Variants in RPL23A observed in about 807,000 individuals in gnomAD.
RPL23A encodes the protein ribosomal protein L23a, also known as large ribosomal subunit protein uL23.
RPL23A carries 2 observed loss-of-function variants against 17.6 expected under a neutral mutation model. The ratio of observed to expected loss-of-function variants is 0.11; its 90% CI spans 0.05 to 0.36. The LOEUF (loss-of-function observed/expected upper bound fraction) is 0.36, where lower values mean the gene tolerates loss of function less well. Among genes scored for constraint, RPL23A ranks in the 10% least tolerant of loss-of-function variants. The probability of loss-of-function intolerance (pLI) is 1.00; values close to 1 mark genes in which losing one functional copy is unlikely to be tolerated. For synonymous variants in RPL23A, 65 were observed against 74.3 expected, an observed-to-expected ratio of 0.87 and a Z score of 0.65; for missense variants, 132 against 194.4, an observed-to-expected ratio of 0.68 and a Z score of 1.91.
chr17:28,721,221 G>A (rs1469452979), intron 2 of RPL23A: 3 of 256,890 alleles, frequency 1.2e-5, no homozygotes, highest in Non-Finnish European at 2.3e-5. Flanking sequence ...GCATGGTGGC[G>A]CATGTCTGTA....
chr17:28,722,906 T>C lies in RPL23A; in HGVS notation c.386+7T>C. 6.2e-7 allele frequency: 1 copy of C among 1,613,190 alleles called. No individual in the cohort carries two copies. The highest frequency in any genetic ancestry group is 8.5e-7 in the Non-Finnish European group (1 of 1,179,318). On this transcript the variant is annotated splice_region_variant and intron_variant, in intron 3 of 4. Coordinates refer to ENST00000422514, the MANE Select transcript of RPL23A (RefSeq NM_000984.6). ...AGGTCAACACCCTGATTCGGTGAGT[T>C]GGGCCTCAAGGGATGGGGAGCAGGC...
rs995117596 is a variant in RPL23A, at chr17:28,720,693, T to C, written c.26-14T>C. ...CTAAATCCCGCACCCACGTTTTCTT[T>C]CCTTTTCTCCCAGCTCCTGCCCCTC... is the stretch of plus-strand genomic sequence containing the variant. On this transcript the variant is annotated splice_polypyrimidine_tract_variant and intron_variant, in intron 1 of 4. Transcript: ENST00000422514. 8.7e-6 allele frequency: 14 copies of C among 1,613,944 alleles called. No homozygotes were observed. The highest frequency in any genetic ancestry group is 5.9e-6 in the Non-Finnish European group (7 of 1,179,958).
intron 1 of RPL23A, 195 bp downstream of exon 1, chr17:28,720,225 TGGG>T (rs35537717): frequency 1.7e-5 from 26 of 1,506,414 alleles, no homozygotes; most frequent in African/African-American, 2.8e-5. Flanking sequence ...TAGAGGGAGT[TGGG>T]GGGGGGCAAC....
chr17:28,720,416 T>G, intron 1 of RPL23A: 2 of 1,603,622 alleles, frequency 1.2e-6, no homozygotes, highest in Non-Finnish European at 1.7e-6. Context: ...CTCCGCAGCG[T>G]GGTTTTGCGA....
At position 28,723,703 on chromosome 17, in the gene RPL23A, A is replaced by G. The variant is rs752953763; in HGVS notation, c.456+63A>G. ...CTTGGGTGCAAATGATGCATATGTT[A>G]GCGACCAAAGCCTGATCTTTGCTGA... On this transcript the variant is annotated intron_variant, in intron 4 of 4. Transcript: ENST00000422514. 26 of 1,493,198 alleles carry G rather than the reference A, an allele frequency of 1.7e-5. 1 individual carries two copies. In the South Asian group the frequency reaches 2.6e-4, roughly 15 times the overall value. The allele number at this position is 1,493,198 out of a possible 1,614,324, so 92.5% of individuals were successfully genotyped here. A position where few individuals can be genotyped will look rare whatever the true frequency, so the allele number is the denominator to read the frequency against.
chr17:28,720,714 C>T lies in RPL23A; in HGVS notation c.33C>T (p.Ala11=), dbSNP rs1486002488. Residue 11 remains alanine (A), a synonymous_variant, in exon 2 of 5, where the codon GCC becomes GCT. Coordinates refer to ENST00000422514, the MANE Select transcript of RPL23A (RefSeq NM_000984.6). ...TCTTTCCTTTTCTCCCAGCTCCTGC[C>T]CCTCCTAAAGCTGAAGCCAAAGCGA... MAPKAKKEAP[A]PPKAEAKAKA... 3 of 1,614,060 alleles carry T rather than the reference C, an allele frequency of 1.9e-6. No individual in the cohort carries two copies. Among genetic ancestry groups the T allele is most frequent in the South Asian group, 1.1e-5 (1 of 91,086 alleles).
At chr17:28,720,294 G>GCATC in intron 1 of RPL23A, 1 of 1,549,962 alleles carries the variant, frequency 6.5e-7, no homozygotes, top group Non-Finnish European at 8.7e-7. Context: ...GAAGCTACAT[G>GCATC]CATCCACTGG....
chr17:28,723,718 A>T (rs1423891322), intron 4 of RPL23A, 78 bp downstream of exon 4: 1 of 1,427,546 alleles, frequency 7.0e-7, no homozygotes, highest in Non-Finnish European at 9.9e-7. Flanking sequence ...CCAAAGCCTG[A>T]TCTTTGCTGA....
chr17:28,723,500 C>G (rs200729777), intron 3 of RPL23A, 71 bp from the exon 4 acceptor site: 128 of 1,056,084 alleles, frequency 1.2e-4, no homozygotes, highest in Admixed American at 3.0e-4. Flanking sequence ...TGCCGGAGGA[C>G]TGGAGGAGGA....
chr17:28,723,213 G>A (rs1432721733), intron 3 of RPL23A: 13 of 532,768 alleles, frequency 2.4e-5, no homozygotes, highest in African/African-American at 3.8e-5. Flanking sequence ...TGAGCCTTGA[G>A]GCAGGAATTA....
intron 1 of RPL23A, chr17:28,720,279 T>C: frequency 1.3e-6 from 2 of 1,548,104 alleles, no homozygotes; most frequent in African/African-American, 2.7e-5. Flanking sequence ...GACATTCGGT[T>C]CTGGGAAGCT....
Position 28,720,576 on chromosome 17 carries a change from TC to T in RPL23A, c.26-129del, listed in dbSNP as rs769787091. 4 of 1,377,730 alleles carry T rather than the reference TC, an allele frequency of 2.9e-6. No homozygotes were observed. The South Asian group carries it at 4.7e-5, about 16-fold the overall frequency. 85.3% of individuals were successfully genotyped at this position (1,377,730 alleles called of 1,614,324 possible). On this transcript the variant is annotated intron_variant, in intron 1 of 4. Transcript: ENST00000422514. Reference sequence around the variant, plus strand: ...TGCATATGATGGAAAAGTTTTAATCTCCTGACACTTGTGATGTCTTCAAAGG... The same window carrying T: ...TGCATATGATGGAAAAGTTTTAATCTCTGACACTTGTGATGTCTTCAAAGG...
intron 2 of RPL23A, 66 bp downstream of exon 2, chr17:28,720,956 C>T (rs1457672216): frequency 7.2e-7 from 1 of 1,393,648 alleles, no homozygotes; most frequent in Non-Finnish European, 1.0e-6. Context: ...TGGAAATTCA[C>T]TCACTCTGCG....
At position 28,722,737 on chromosome 17, in the gene RPL23A, C is replaced by T. The variant is rs1407336655; in HGVS notation, c.224C>T (p.Ala75Val). ...GCCTCTCCCAGGCTTGACCACTATGCTATCATCAAGTTTCCGCTGACCACT... is the reference window on the plus strand; with the variant it reads ...GCCTCTCCCAGGCTTGACCACTATGTTATCATCAAGTTTCCGCTGACCACT... ...APRRNKLDHY[A>V]IIKFPLTTES... The change falls in exon 3 of 5, where the codon GCT becomes GTT. Residue 75 changes from alanine (A) to valine (V), a missense_variant. Physicochemically the swap from Ala to Val is moderately conservative, Grantham distance 64. Transcript: ENST00000422514. 1 of 1,614,068 alleles carries T rather than the reference C, an allele frequency of 6.2e-7. No homozygotes were observed. Among genetic ancestry groups the T allele is most frequent in the Non-Finnish European group, 8.5e-7 (1 of 1,179,962 alleles).
At chr17:28,720,542 C>T (rs889226398) in intron 1 of RPL23A, 165 bp from the exon 2 acceptor site, 1 of 1,425,736 alleles carries the variant, frequency 7.0e-7, no homozygotes, top group Admixed American at 1.7e-5. Context: ...GCTTTCGCCT[C>T]TGGTATCGTG....
At chr17:28,723,671 C>T (rs771343491) in intron 4 of RPL23A, 31 bp downstream of exon 4, 1 of 1,598,184 alleles carries the variant, frequency 6.3e-7, no homozygotes, top group Non-Finnish European at 8.6e-7. Context: ...CCCCTTAATG[C>T]TCACCCCTTG....
At chr17:28,723,535 G>C (rs762524297) in intron 3 of RPL23A, 36 bp from the exon 4 acceptor site, 6 of 1,512,894 alleles carry the variant, frequency 4.0e-6, no homozygotes, top group Non-Finnish European at 5.5e-6. Flanking sequence ...GGGGCAGTGA[G>C]GGTGGCAGGG....
chr17:28,721,923 G>A (rs2034121406), intron 2 of RPL23A: 1 of 152,182 alleles, frequency 6.6e-6, no homozygotes. Flanking sequence ...AGCCACTGCT[G>A]TGGCTTAACC....
chr17:28,722,259 A>AC (rs2034128969), intron 2 of RPL23A, among the ~76,000 whole-genome samples: 1 of 151,968 alleles, frequency 6.6e-6, no homozygotes, highest in African/African-American at 2.4e-5. Context: ...AAAAAAAAAA[A>AC]AAAAGGAATT....
Sources: gnomAD v4.1 joint callset for allele counts (sites outside exome capture counted in the v4.1 genomes callset) on GRCh38, gnomAD v4.1.1 for gene constraint, MANE v1.5 for transcripts, NCBI Gene and HGNC (gene_info 2026-07-23, HGNC 2026-07-21) for gene names.